The following F8 variants were observed in gnomAD, a reference collection of about 807,000 sequenced individuals.
F8 encodes the protein coagulation factor VIII.
In F8, 12 loss-of-function variants were observed where a neutral mutation model predicts 140.6. That is an observed-to-expected ratio of 0.09 (90% CI 0.05 to 0.14). The LOEUF (loss-of-function observed/expected upper bound fraction) is 0.14. Ranked by LOEUF, F8 falls within the 10% of genes least tolerant of loss-of-function variation. F8 has a pLI of 1.00. For synonymous variants in F8, 585 were observed against 614.6 expected (o/e 0.95, Z 0.71); for missense variants, 1,354 against 1,720.7 (o/e 0.79, Z 3.77).
intron 8 of F8, 27 bp downstream of exon 8, chrX:154,966,399 G>C (rs1557281990): frequency 8.3e-7 from 1 of 1,208,110 alleles, no homozygotes; most frequent in Non-Finnish European, 1.1e-6. Context: ...GGGGAAGAGA[G>C]AGTACCAATA....
rs782147160 is a variant in F8, at chrX:154,931,336, A to G, written c.2454T>C (p.Thr818=). The change falls in exon 14 of 26, where the codon ACT becomes ACC. Residue 818 remains threonine (T), a synonymous_variant. Coordinates refer to ENST00000360256, the MANE Select transcript of F8 (RefSeq NM_000132.4). ...GATCAGATAAGGATAGCCCATGTGGAGTAGGACTCTGTCGCAAGAGCATCA... is the reference window on the plus strand; with the variant it reads ...GATCAGATAAGGATAGCCCATGTGGGGTAGGACTCTGTCGCAAGAGCATCA... ...DLLMLLRQSP[T]PHGLSLSDLQ... 3 of 1,208,279 alleles carry G rather than the reference A, an allele frequency of 2.5e-6. No homozygotes were observed. In the South Asian group the frequency reaches 5.3e-5, roughly 21 times the overall value.
At chrX:154,936,193 G>A (rs1248480011) in intron 13 of F8, among the ~76,000 whole-genome samples, 1 of 111,225 alleles carries the variant, frequency 9.0e-6, no homozygotes, top group African/African-American at 3.3e-5. Flanking sequence ...AAAACAAAAT[G>A]TAATAAAACA....
chrX:154,954,105 G>C, intron 11 of F8, 63 bp from the exon 12 acceptor site: 1 of 1,096,240 alleles, frequency 9.1e-7, no homozygotes, highest in Non-Finnish European at 1.3e-6. Flanking sequence ...GTAGGAGCTA[G>C]CAGTCTATGA....
chrX:155,019,818 C>G (rs988566170), intron 1 of F8, among the ~76,000 whole-genome samples: 1 of 110,839 alleles, frequency 9.0e-6, no homozygotes, highest in African/African-American at 3.3e-5. Flanking sequence ...TGAAAATACA[C>G]AAACCAATAG....
At chrX:154,991,422 T>C (rs1024271103) in intron 4 of F8, among the ~76,000 whole-genome samples, 37 of 112,304 alleles carry the variant, frequency 3.3e-4, no homozygotes, top group African/African-American at 1.2e-3. Flanking sequence ...ATATACTTGT[T>C]CTATTTGCTT....
rs781832647 is a variant in F8 at position 154,896,063 on chromosome X, G to A, written c.6429+14C>T. 8.3e-7 allele frequency: 1 copy of A among 1,206,329 alleles called. No homozygotes were observed. Among genetic ancestry groups the A allele is most frequent in the South Asian group, 1.8e-5 (1 of 56,874 alleles). On this transcript the variant is annotated intron_variant, in intron 22 of 25. Transcript: ENST00000360256. ...AAGTATTCAGGCATTCCCTTTAAAT[G>A]ACTAATTACATACCATTAAGGTTCC...
At chrX:154,840,352 C>A (rs974290248) in intron 25 of F8, among the ~76,000 whole-genome samples, 6 of 111,601 alleles carry the variant, frequency 5.4e-5, no homozygotes, top group Non-Finnish European at 9.4e-5. Flanking sequence ...AACAGGAAGC[C>A]CTTCAGACCA....
intron 1 of F8, among the ~76,000 whole-genome samples, chrX:155,002,125 C>T (rs1418433550): frequency 3.6e-5 from 4 of 112,238 alleles, no homozygotes; most frequent in African/African-American, 6.5e-5. Flanking sequence ...TTTCACTTAG[C>T]GTAATATACT....
At chrX:154,913,396 T>C (rs1557276894) in intron 14 of F8, among the ~76,000 whole-genome samples, 1 of 111,640 alleles carries the variant, frequency 9.0e-6, no homozygotes, top group Non-Finnish European at 1.9e-5. Context: ...TGTCCTCACA[T>C]TTAAAAACAG....
intron 22 of F8, among the ~76,000 whole-genome samples, chrX:154,877,532 G>A (rs371823756): frequency 3.3e-4 from 36 of 110,628 alleles, no homozygotes; most frequent in African/African-American, 1.2e-3. Context: ...TCACTCTGTC[G>A]CCCAGGCTGG....
intron 25 of F8, among the ~76,000 whole-genome samples, chrX:154,838,117 C>G (rs1368531165): frequency 8.0e-5 from 9 of 112,452 alleles, no homozygotes; most frequent in African/African-American, 2.9e-4. Context: ...GAGTACATGG[C>G]AAGAGCTCAG....
At chrX:154,985,923 C>A (rs782606678) in intron 5 of F8, among the ~76,000 whole-genome samples, 45 of 111,717 alleles carry the variant, frequency 4.0e-4, no homozygotes, top group Non-Finnish European at 7.5e-4. Context: ...GATATGAGAT[C>A]AAAGAAGATA....
At chrX:154,927,470 A>G (rs1461832652) in intron 14 of F8, among the ~76,000 whole-genome samples, 1 of 112,369 alleles carries the variant, frequency 8.9e-6, no homozygotes, top group African/African-American at 3.2e-5. Context: ...ATTTATTGTA[A>G]TAAGTGTGCA....
At chrX:154,979,417 G>A (rs1402304987) in intron 6 of F8, among the ~76,000 whole-genome samples, 1 of 111,354 alleles carries the variant, frequency 9.0e-6, no homozygotes, top group Non-Finnish European at 1.9e-5. Context: ...GTAGAGCTGG[G>A]CTACGTGAAC....
chrX:154,973,965 A>ATG (rs782207804), intron 6 of F8, among the ~76,000 whole-genome samples: 8,915 of 103,353 alleles, frequency 0.086, 689 homozygotes, highest in African/African-American at 0.23. Context: ...TCTGGCTAGC[A>ATG]TGTGTGTGTG....
intron 13 of F8, among the ~76,000 whole-genome samples, chrX:154,946,203 T>G (rs2073303402): frequency 8.9e-6 from 1 of 112,106 alleles, no homozygotes; most frequent in African/African-American, 3.2e-5. Flanking sequence ...CAGTGAAGTT[T>G]TTCACAGAAA....
At chrX:154,960,442 T>A (rs2073389955) in intron 10 of F8, among the ~76,000 whole-genome samples, 1 of 111,612 alleles carries the variant, frequency 9.0e-6, no homozygotes, top group Non-Finnish European at 1.9e-5. Flanking sequence ...AGAATATACA[T>A]AACATCCAAT....
chrX:154,871,703 T>C (rs1395535381), intron 22 of F8, among the ~76,000 whole-genome samples: 3 of 112,110 alleles, frequency 2.7e-5, no homozygotes, highest in Non-Finnish European at 3.8e-5. Flanking sequence ...AAAGGAGATC[T>C]AATTAAACTA....
Position 154,836,393 on chromosome X carries a change from T to TGACCACA in F8, c.*1203_*1204insTGTGGTC, listed in dbSNP as rs1557270879. On this transcript the variant is annotated 3_prime_UTR_variant, in exon 26 of 26. Coordinates refer to ENST00000360256, the MANE Select transcript of F8 (RefSeq NM_000132.4). ...AAGGAGCAGTAAACCCTTCACAATC[T>TGACCACA]TATGGGGGTGGAGGGCAAGAAGGGG... is the stretch of plus-strand genomic sequence containing the variant. The TGACCACA allele has an allele frequency of 9.0e-6, 1 of 111,186 alleles. No homozygotes were observed. The highest frequency in any genetic ancestry group is 1.9e-5 in the Non-Finnish European group (1 of 53,049). The allele number at this position is 111,186 out of a possible 1,213,427, so 9.2% of individuals were successfully genotyped here.
Sources: allele counts gnomAD v4.1 joint callset (sites outside exome capture counted in the v4.1 genomes callset), GRCh38; gene constraint gnomAD v4.1.1; transcripts MANE v1.5; gene names NCBI Gene and HGNC (gene_info 2026-07-23, HGNC 2026-07-21).